Variants in MRTFB observed in about 807,000 individuals in gnomAD.
MRTFB encodes myocardin related transcription factor B.
In MRTFB, 29 loss-of-function variants were observed where a neutral mutation model predicts 104.2. The ratio of observed to expected loss-of-function variants is 0.28; its 90% CI spans 0.21 to 0.38. MRTFB has a LOEUF of 0.38. MRTFB is among the 10% of genes least tolerant of loss of function. MRTFB has a pLI of 1.00. For missense variants in MRTFB, 1,270 were observed against 1,341.6 expected (o/e 0.95, Z 0.83); for synonymous variants, 535 against 519.5 (o/e 1.03, Z -0.41).
the MRTFB span, among the ~76,000 whole-genome samples, chr16:14,026,087 C>T: frequency 6.6e-6 from 1 of 152,110 alleles, no homozygotes; most frequent in African/African-American, 2.4e-5. Flanking sequence ...CTGTCAGAAT[C>T]CCACTAGTGG....
the MRTFB span, among the ~76,000 whole-genome samples, chr16:14,022,980 G>T: frequency 1.3e-5 from 2 of 152,084 alleles, no homozygotes; most frequent in African/African-American, 4.8e-5. Context: ...ATAGGCGTGA[G>T]CCACTGTGCC....
At chr16:14,079,541 G>A (rs555523858) in intron 2 of MRTFB, among the ~76,000 whole-genome samples, 187 bp downstream of exon 2, 53 of 152,184 alleles carry the variant, frequency 3.5e-4, no homozygotes, top group African/African-American at 1.3e-3. Flanking sequence ...TTCATTTGAC[G>A]TTCTCAACCT....
intron 3 of MRTFB, among the ~76,000 whole-genome samples, chr16:14,197,782 G>T (rs2040505465): frequency 6.6e-6 from 1 of 152,084 alleles, no homozygotes; most frequent in African/African-American, 2.4e-5. Flanking sequence ...TGTTATTGTA[G>T]TTACCAAATT....
chr16:14,190,866 TGGG>T (rs1319946472), intron 3 of MRTFB, among the ~76,000 whole-genome samples: 3 of 152,080 alleles, frequency 2.0e-5, no homozygotes, highest in African/African-American at 4.8e-5. Flanking sequence ...GTTACAGACT[TGGG>T]GGGCCACATT....
intron 3 of MRTFB, among the ~76,000 whole-genome samples, chr16:14,204,325 C>T (rs1597241582): frequency 6.6e-6 from 1 of 152,172 alleles, no homozygotes; most frequent in South Asian, 2.1e-4. Context: ...GTTCTAAAAG[C>T]ACTCTAAACC....
At chr16:14,187,991 A>G (rs1172557682) in intron 3 of MRTFB, among the ~76,000 whole-genome samples, 1 of 152,170 alleles carries the variant, frequency 6.6e-6, no homozygotes, top group Non-Finnish European at 1.5e-5. Context: ...CAGAGAGTAA[A>G]TGTAGAGTTA....
intron 3 of MRTFB, among the ~76,000 whole-genome samples, chr16:14,193,424 G>A (rs571082954): frequency 6.6e-6 from 1 of 152,024 alleles, no homozygotes; most frequent in East Asian, 1.9e-4. Context: ...CCCCTCCCCA[G>A]CCCCTGGCCT....
chr16:14,091,082 T>C (rs1411027204), intron 2 of MRTFB, among the ~76,000 whole-genome samples: 1 of 151,952 alleles, frequency 6.6e-6, no homozygotes, highest in Non-Finnish European at 1.5e-5. Flanking sequence ...GGGGAGGTGA[T>C]TGGATCACTC....
intron 2 of MRTFB, among the ~76,000 whole-genome samples, chr16:14,101,488 C>G (rs960602): frequency 0.21 from 31,561 of 152,118 alleles, 5,729 homozygotes; most frequent in African/African-American, 0.48. Context: ...ATTGACTACA[C>G]ATCTCCTTCT....
At chr16:14,185,573 T>C (rs1447805755) in intron 3 of MRTFB, among the ~76,000 whole-genome samples, 1 of 152,150 alleles carries the variant, frequency 6.6e-6, no homozygotes, top group Non-Finnish European at 1.5e-5. Flanking sequence ...TAAAGGAAGT[T>C]TTCCTGATGC....
intron 2 of MRTFB, among the ~76,000 whole-genome samples, chr16:14,125,172 G>C (rs1284561127): frequency 6.6e-6 from 1 of 152,250 alleles, no homozygotes; most frequent in Non-Finnish European, 1.5e-5. Flanking sequence ...AAGAGAAAGA[G>C]ACTGGAATGT....
At chr16:14,049,786 G>T in the MRTFB span, among the ~76,000 whole-genome samples, 1 of 152,230 alleles carries the variant, frequency 6.6e-6, no homozygotes, top group East Asian at 1.9e-4. Flanking sequence ...AGGCTGGAGT[G>T]CAATGGCACG....
intron 2 of MRTFB, among the ~76,000 whole-genome samples, chr16:14,115,750 T>TG (rs1450374004): frequency 1.3e-5 from 2 of 152,236 alleles, no homozygotes; most frequent in Non-Finnish European, 2.9e-5. Flanking sequence ...CTGGTCAGGT[T>TG]GGGCCACAGG....
chr16:14,009,081 T>C, the MRTFB span, among the ~76,000 whole-genome samples: 1 of 152,012 alleles, frequency 6.6e-6, no homozygotes, highest in African/African-American at 2.4e-5. Context: ...CCTGAGTAAC[T>C]AGGACTGCAG....
the MRTFB span, among the ~76,000 whole-genome samples, chr16:14,040,701 G>C: frequency 6.6e-6 from 1 of 152,112 alleles, no homozygotes; most frequent in South Asian, 2.1e-4. Context: ...GACCTCAAGT[G>C]ATCTACCCAC....
At chr16:14,052,064 C>G in the MRTFB span, among the ~76,000 whole-genome samples, 1 of 152,080 alleles carries the variant, frequency 6.6e-6, no homozygotes, top group African/African-American at 2.4e-5. Context: ...ATGTGAAGCG[C>G]GCCACCCACC....
chr16:14,192,413 T>C (rs1051535021), intron 3 of MRTFB, among the ~76,000 whole-genome samples: 2 of 152,144 alleles, frequency 1.3e-5, no homozygotes, highest in Admixed American at 6.6e-5. Flanking sequence ...ATGGTTCTTA[T>C]ACAATAGGAA....
intron 3 of MRTFB, among the ~76,000 whole-genome samples, chr16:14,154,061 T>G (rs1343880203): frequency 2.6e-5 from 4 of 152,212 alleles, no homozygotes; most frequent in African/African-American, 7.2e-5. Flanking sequence ...GGTTGGACAT[T>G]GTGGCTCATG....
chr16:14,011,267 A>G, the MRTFB span, among the ~76,000 whole-genome samples: 3 of 152,252 alleles, frequency 2.0e-5, no homozygotes, highest in Non-Finnish European at 4.4e-5. Flanking sequence ...CCTTGGACTC[A>G]GGAAGAAAGC....
Sources: gnomAD v4.1 joint callset for allele counts (sites outside exome capture counted in the v4.1 genomes callset) on GRCh38, gnomAD v4.1.1 for gene constraint, MANE v1.5 for transcripts, NCBI Gene and HGNC (gene_info 2026-07-23, HGNC 2026-07-21) for gene names.